INIP: variants seen among roughly 807,000 people sequenced by gnomAD.
The protein encoded by INIP is SOSS complex subunit C.
Under a neutral mutation model 14.0 loss-of-function variants are expected in INIP, and 9 were observed. The observed-to-expected ratio is 0.64, with a 90% CI of 0.39 to 1.12. The LOEUF (loss-of-function observed/expected upper bound fraction) is 1.12. Among genes scored for constraint, INIP ranks in the 50% most tolerant of loss-of-function variants. The probability of loss-of-function intolerance (pLI) is 0.01; values close to 1 mark genes in which losing one functional copy is unlikely to be tolerated. For missense variants in INIP, 78 were observed against 122.7 expected, an observed-to-expected ratio of 0.64 and a Z score of 1.72; for synonymous variants, 37 against 41.5, an observed-to-expected ratio of 0.89 and a Z score of 0.41.
intron 2 of INIP, among the ~76,000 whole-genome samples, chr9:112,707,330 CTTTTTT>C (rs560195464): frequency 2.3e-5 from 3 of 132,658 alleles, no homozygotes; most frequent in Non-Finnish European, 3.3e-5. Context: ...CTGTTTCAAA[CTTTTTT>C]TTTTTTTAAG....
At position 112,687,532 on chromosome 9, in the gene INIP, T is replaced by C; in HGVS notation, c.*6A>G. 1 of 1,576,540 alleles carries C rather than the reference T, an allele frequency of 6.3e-7. No individual in the cohort carries two copies. The highest frequency in any genetic ancestry group is 8.7e-7 in the Non-Finnish European group (1 of 1,147,196). ...CAAAGTCACTTTTCCATCGCAAATGTTTTCTTCATTCTGGGTCAAGGCGAG... is the reference window on the plus strand; with the variant it reads ...CAAAGTCACTTTTCCATCGCAAATGCTTTCTTCATTCTGGGTCAAGGCGAG... On this transcript the variant is annotated 3_prime_UTR_variant, in exon 5 of 5. Coordinates refer to ENST00000374242, the MANE Select transcript of INIP (RefSeq NM_021218.3).
intron 3 of INIP, among the ~76,000 whole-genome samples, chr9:112,692,201 T>C (rs570079477): frequency 6.6e-6 from 1 of 152,110 alleles, no homozygotes; most frequent in Non-Finnish European, 1.5e-5. Flanking sequence ...CATCAATAAG[T>C]GAGAAAGTAA....
At position 112,710,407 on chromosome 9, in the gene INIP, C is replaced by A. The variant is rs115064437; in HGVS notation, c.25+6054G>T. ...CTCTCTAAAATCAGGCTGAACCAAT[C>A]CAATGCCATCACATCATCATAGGAC... On this transcript the variant is annotated intron_variant, in intron 2 of 4. Transcript: ENST00000374242. 3.6e-3 allele frequency among the ~76,000 whole-genome samples: 542 copies of A among 152,322 alleles called. 4 individuals are homozygous for A. The highest frequency in any genetic ancestry group is 0.013 in the African/African-American group (532 of 41,580).
chr9:112,698,642 A>G (rs1588079170), intron 2 of INIP, among the ~76,000 whole-genome samples: 1 of 152,230 alleles, frequency 6.6e-6, no homozygotes, highest in East Asian at 1.9e-4. Flanking sequence ...AAATGAGAGC[A>G]GATATAAAAG....
At chr9:112,714,758 A>G (rs1419998912) in intron 2 of INIP, among the ~76,000 whole-genome samples, 2 of 152,218 alleles carry the variant, frequency 1.3e-5, no homozygotes, top group East Asian at 1.9e-4. Context: ...ATCTGATCCA[A>G]TGTCAGATCT....
At position 112,710,006 on chromosome 9, in the gene INIP, T is replaced by C. The variant is rs541615187; in HGVS notation, c.25+6455A>G. On this transcript the variant is annotated intron_variant, in intron 2 of 4. Transcript: ENST00000374242. Reference sequence around the variant, plus strand: ...TGTCTTTGCATACAAACTCTCATCTTTAAAAAGGTACAAATAGAAGAATTT... The same window carrying C: ...TGTCTTTGCATACAAACTCTCATCTCTAAAAAGGTACAAATAGAAGAATTT... Among the ~76,000 whole-genome samples the C allele has an allele frequency of 4.6e-5, 7 of 152,338 alleles. No individual in the cohort carries two copies. In the South Asian group the frequency reaches 1.2e-3, roughly 27 times the overall value.
rs150658356 is a variant in INIP at position 112,717,328 on chromosome 9, T to C, written c.-57+659A>G. ...CACTGTGTAACATGCTCGAAATTAG[T>C]TCCTTTATTTATTTATCACCATTTT... On this transcript the variant is annotated intron_variant, in intron 1 of 4. Coordinates refer to ENST00000374242, the MANE Select transcript of INIP (RefSeq NM_021218.3). Among the ~76,000 whole-genome samples the C allele has an allele frequency of 1.6e-3, 237 of 152,300 alleles. 2 individuals are homozygous for C. Among genetic ancestry groups the C allele is most frequent in the African/African-American group, 5.4e-3 (223 of 41,556 alleles).
chr9:112,703,443 A>C (rs1564234726), intron 2 of INIP, among the ~76,000 whole-genome samples: 1 of 152,164 alleles, frequency 6.6e-6, no homozygotes, highest in Non-Finnish European at 1.5e-5. Context: ...CAGAGGCCAG[A>C]CATGGTGGCT....
At chr9:112,712,342 A>G (rs1838672318) in intron 2 of INIP, among the ~76,000 whole-genome samples, 1 of 152,206 alleles carries the variant, frequency 6.6e-6, no homozygotes, top group Non-Finnish European at 1.5e-5. Flanking sequence ...GTTGAGTATG[A>G]GTTGAGTCAA....
At position 112,718,018 on chromosome 9, in the gene INIP, C is replaced by T. The variant is rs752202240; in HGVS notation, c.-88G>A. The T allele has an allele frequency of 6.5e-6, 1 of 152,700 alleles. No individual in the cohort carries two copies. The highest frequency in any genetic ancestry group is 1.5e-5 in the Non-Finnish European group (1 of 68,088). 9.5% of individuals were successfully genotyped at this position (152,700 alleles called of 1,614,324 possible). A position where few individuals can be genotyped will look rare whatever the true frequency, so the allele number is the denominator to read the frequency against. On this transcript the variant is annotated 5_prime_UTR_variant, in exon 1 of 5. Coordinates refer to ENST00000374242, the MANE Select transcript of INIP (RefSeq NM_021218.3). ...CCCGAGGACACCGGGACCGCCTCTC[C>T]TTACAATCGCTGCTCTTAAAGGGGG...
chr9:112,713,407 A>AAGT (rs1156419065), intron 2 of INIP, among the ~76,000 whole-genome samples: 6 of 152,332 alleles, frequency 3.9e-5, no homozygotes, highest in Non-Finnish European at 7.4e-5. Context: ...AAAATGGTAC[A>AAGT]AGTGGCCCAG....
intron 2 of INIP, among the ~76,000 whole-genome samples, chr9:112,712,973 A>G (rs1270711165): frequency 6.6e-6 from 1 of 152,194 alleles, no homozygotes; most frequent in Non-Finnish European, 1.5e-5. Flanking sequence ...AGAGAAAAAT[A>G]ACACATTACA....
Position 112,687,477 on chromosome 9 carries a change from G to T in INIP, c.*61C>A. On this transcript the variant is annotated 3_prime_UTR_variant, in exon 5 of 5. Transcript: ENST00000374242. ...TTAAAGTCACAGTTCATGTAGCACT[G>T]AATGATAGTAGCTTTGGCATTTGAT... is the stretch of plus-strand genomic sequence containing the variant. 1 of 1,046,958 alleles carries T rather than the reference G, an allele frequency of 9.6e-7. No individual in the cohort carries two copies. 64.9% of individuals were successfully genotyped at this position (1,046,958 alleles called of 1,614,324 possible). A position where few individuals can be genotyped will look rare whatever the true frequency, so the allele number is the denominator to read the frequency against.
intron 2 of INIP, among the ~76,000 whole-genome samples, chr9:112,695,838 AAGGAGAAGAAGAAGG>A (rs1838069676): frequency 8.7e-6 from 1 of 114,572 alleles, no homozygotes. Flanking sequence ...GAAGGAGAAG[AAGGAGAAGAAGAAGG>A]AGAAGAAGAA....
intron 2 of INIP, chr9:112,701,919 G>A (rs1838312018): frequency 6.6e-6 from 1 of 152,072 alleles, no homozygotes; most frequent in Non-Finnish European, 1.5e-5. Flanking sequence ...ATTTAGCAGG[G>A]CATGATGGTG....
chr9:112,707,147 C>T (rs1388222025), intron 2 of INIP, among the ~76,000 whole-genome samples: 1 of 151,696 alleles, frequency 6.6e-6, no homozygotes, highest in East Asian at 1.9e-4. Flanking sequence ...CCATGTTGGT[C>T]AGGCCGGTCT....
intron 2 of INIP, among the ~76,000 whole-genome samples, chr9:112,697,018 A>C (rs1038858864): frequency 5.9e-5 from 9 of 152,080 alleles, no homozygotes; most frequent in Admixed American, 1.3e-4. Flanking sequence ...GATCAGCTCC[A>C]CCTCAGTCCC....
chr9:112,700,825 G>T (rs1309509459), intron 2 of INIP, among the ~76,000 whole-genome samples: 2 of 151,852 alleles, frequency 1.3e-5, no homozygotes, highest in Non-Finnish European at 2.9e-5. Flanking sequence ...ATCAAAGGTG[G>T]AAATCTGTAA....
At chr9:112,717,816 C>T (rs967475774) in intron 1 of INIP, among the ~76,000 whole-genome samples, 171 bp downstream of exon 1, 4 of 152,274 alleles carry the variant, frequency 2.6e-5, no homozygotes, top group African/African-American at 9.6e-5. Context: ...ATGTGCAGAG[C>T]CGGCTGGGCC....
Sources: gnomAD v4.1 joint callset for allele counts (sites outside exome capture counted in the v4.1 genomes callset) on GRCh38, gnomAD v4.1.1 for gene constraint, MANE v1.5 for transcripts, NCBI Gene and HGNC (gene_info 2026-07-23, HGNC 2026-07-21) for gene names.